ERCC6L2: variants seen among roughly 807,000 people sequenced by gnomAD.
ERCC6L2 encodes DNA excision repair protein ERCC-6-like 2.
Under a neutral mutation model 132.0 loss-of-function variants are expected in ERCC6L2, and 77 were observed. The observed-to-expected ratio is 0.58, with a 90% CI of 0.49 to 0.71. ERCC6L2 has a LOEUF of 0.71. Among genes scored for constraint, ERCC6L2 ranks in the 30% least tolerant of loss-of-function variants. The pLI is 0.00. For missense variants in ERCC6L2, 1,542 were observed against 1,837.6 expected, an observed-to-expected ratio of 0.84 and a Z score of 2.94; for synonymous variants, 583 against 632.4, an observed-to-expected ratio of 0.92 and a Z score of 1.17.
At chr9:96,019,159 T>G (rs1834242276), downstream of ERCC6L2, among the ~76,000 whole-genome samples, 1 of 152,168 alleles carries the variant, frequency 6.6e-6, no homozygotes, top group South Asian at 2.1e-4. Context: ...TAACTTTGAA[T>G]TTTCTTAATT....
intron 15 of ERCC6L2, 90 bp downstream of exon 15, chr9:95,970,746 A>C: frequency 1.1e-6 from 1 of 936,090 alleles, no homozygotes; most frequent in Non-Finnish European, 1.4e-6. Context: ...TAATTTTATA[A>C]CCTGTAAAAA....
intron 14 of ERCC6L2, chr9:95,967,983 T>TA (rs1277948503): frequency 6.6e-6 from 1 of 152,208 alleles, no homozygotes; most frequent in Non-Finnish European, 1.5e-5. Context: ...ATGACATAGT[T>TA]ACCTGTTTTT....
intron 17 of ERCC6L2, among the ~76,000 whole-genome samples, chr9:95,987,818 T>G (rs563880435): frequency 1.3e-5 from 2 of 152,246 alleles, no homozygotes; most frequent in South Asian, 2.1e-4. Flanking sequence ...AGCAGAGAGG[T>G]TCTCCATGAG....
At chr9:95,905,857 C>A (rs1386563144) in intron 3 of ERCC6L2, among the ~76,000 whole-genome samples, 2 of 152,128 alleles carry the variant, frequency 1.3e-5, no homozygotes, top group Admixed American at 1.3e-4. Flanking sequence ...TGTATTATTT[C>A]TTGGTTAAAC....
intron 12 of ERCC6L2, 54 bp downstream of exon 12, chr9:95,941,603 A>G (rs1284669454): frequency 2.3e-6 from 3 of 1,311,690 alleles, no homozygotes; most frequent in Non-Finnish European, 3.3e-6. Context: ...ATCTAAAAAT[A>G]CTCTTGAACT....
At chr9:95,934,219 A>G (rs1205385956) in intron 11 of ERCC6L2, among the ~76,000 whole-genome samples, 1 of 152,172 alleles carries the variant, frequency 6.6e-6, no homozygotes, top group Non-Finnish European at 1.5e-5. Flanking sequence ...AAAATTTATC[A>G]TCGTTGTCTT....
At chr9:96,026,154 G>A (rs1834359653) in intron 19 of ERCC6L2, among the ~76,000 whole-genome samples, 1 of 152,222 alleles carries the variant, frequency 6.6e-6, no homozygotes, top group South Asian at 2.1e-4. Flanking sequence ...CGGCCCGGGC[G>A]GGATGTGGGC....
chr9:96,005,991 G>A (rs1387485043), intron 18 of ERCC6L2, among the ~76,000 whole-genome samples: 2 of 152,148 alleles, frequency 1.3e-5, no homozygotes, highest in African/African-American at 4.8e-5. Context: ...GGTACTGAAT[G>A]GGGAAAACCA....
chr9:95,981,045 G>A (rs895474449), intron 17 of ERCC6L2, among the ~76,000 whole-genome samples: 3 of 152,154 alleles, frequency 2.0e-5, no homozygotes, highest in South Asian at 4.1e-4. Context: ...TATTGTCTCA[G>A]TAAGAAAATA....
chr9:96,001,045 C>T lies in ERCC6L2; in HGVS notation c.3493-3475C>T, dbSNP rs543235351. Reference sequence around the variant, plus strand: ...GCTCAGGAGTGAAGCTGCAGACCTTCGCGGTGAGTGTTACAGCTCTTAAGG... The same window carrying T: ...GCTCAGGAGTGAAGCTGCAGACCTTTGCGGTGAGTGTTACAGCTCTTAAGG... On this transcript the variant is annotated intron_variant, in intron 17 of 18. Coordinates refer to ENST00000653738, the MANE Select transcript of ERCC6L2 (RefSeq NM_020207.7). Among the ~76,000 whole-genome samples the T allele has an allele frequency of 1.7e-3, 254 of 151,428 alleles. 3 individuals are homozygous for T. Among genetic ancestry groups the T allele is most frequent in the Middle Eastern group, 6.8e-3 (2 of 294 alleles).
chr9:95,908,551 C>G (rs577498753), intron 4 of ERCC6L2, among the ~76,000 whole-genome samples: 1 of 152,304 alleles, frequency 6.6e-6, no homozygotes, highest in African/African-American at 2.4e-5. Context: ...CCCTAGCAAA[C>G]CAATACAAGG....
rs770162741 is a variant in ERCC6L2, at chr9:95,916,346, T to C, written c.1070T>C (p.Met357Thr). The C allele has an allele frequency of 6.2e-7, 1 of 1,612,270 alleles. No homozygotes were observed. The stretch of plus-strand genomic sequence containing the variant: ...GAACTAGCCACTGGCCGAAAGGCCA[T>C]GCAAAGACTTGCCAAAAAGATGTCT... ...KRELATGRKA[M>T]QRLAKKMSGW... Residue 357 changes from methionine (M) to threonine (T), a missense_variant, in exon 6 of 19, where the codon ATG (methionine) becomes ACG (threonine). Transcript: ENST00000653738.
At chr9:95,910,043 T>C (rs1395221799) in intron 4 of ERCC6L2, among the ~76,000 whole-genome samples, 2 of 152,232 alleles carry the variant, frequency 1.3e-5, no homozygotes, top group Non-Finnish European at 2.9e-5. Flanking sequence ...AAAACAATGT[T>C]CTATAGTTAT....
chr9:95,918,331 C>T (rs917431744), intron 6 of ERCC6L2: 6 of 389,592 alleles, frequency 1.5e-5, no homozygotes, highest in African/African-American at 4.2e-5. Context: ...AAAGAGGGAC[C>T]AAATGACACG....
At chr9:95,960,199 C>G (rs1272111165) in intron 13 of ERCC6L2, among the ~76,000 whole-genome samples, 2 of 152,022 alleles carry the variant, frequency 1.3e-5, no homozygotes, top group Admixed American at 1.3e-4. Context: ...TACTTGCACC[C>G]TCCACTTTAT....
intron 2 of ERCC6L2, among the ~76,000 whole-genome samples, chr9:95,884,820 A>T (rs1827779278): frequency 6.6e-6 from 1 of 152,206 alleles, no homozygotes; most frequent in Non-Finnish European, 1.5e-5. Context: ...CTCTTTAAGA[A>T]ATATGGCTTC....
chr9:96,029,313 A>AC (rs994327325), intron 19 of ERCC6L2, among the ~76,000 whole-genome samples: 2 of 150,894 alleles, frequency 1.3e-5, no homozygotes, highest in African/African-American at 2.4e-5. Flanking sequence ...CAAAAAAAAA[A>AC]AAAAAAAAAA....
intron 12 of ERCC6L2, chr9:95,954,687 C>T (rs1236808388): frequency 1.3e-5 from 6 of 453,750 alleles, no homozygotes; most frequent in Non-Finnish European, 2.3e-5. Flanking sequence ...AAGCATACAT[C>T]CAAAGGACAT....
At chr9:95,888,954 T>G (rs1025051746) in intron 2 of ERCC6L2, among the ~76,000 whole-genome samples, 5 of 152,160 alleles carry the variant, frequency 3.3e-5, no homozygotes, top group African/African-American at 1.2e-4. Context: ...GCTTCTCCAG[T>G]TTGTATTCTC....
Sources: allele counts gnomAD v4.1 joint callset (sites outside exome capture counted in the v4.1 genomes callset), GRCh38; gene constraint gnomAD v4.1.1; transcripts MANE v1.5; gene names NCBI Gene and HGNC (gene_info 2026-07-23, HGNC 2026-07-21).